The following PLCG2 variants were observed in gnomAD, a reference collection of about 807,000 sequenced individuals.
PLCG2 encodes phospholipase C gamma 2.
A neutral mutation model predicts 175.6 loss-of-function variants in PLCG2; 69 were observed. The ratio of observed to expected loss-of-function variants is 0.39; its 90% CI spans 0.32 to 0.48. The LOEUF is 0.48. Among genes scored for constraint, PLCG2 ranks in the 20% least tolerant of loss-of-function variants. PLCG2 has a pLI of 0.91. For synonymous variants in PLCG2, 827 were observed against 624.0 expected, an observed-to-expected ratio of 1.33 and a Z score of -4.85; for missense variants, 1,798 against 1,650.9, an observed-to-expected ratio of 1.09 and a Z score of -1.54.
chr16:81,924,325 A>G (rs1910173643), intron 22 of PLCG2, among the ~76,000 whole-genome samples: 1 of 152,268 alleles, frequency 6.6e-6, no homozygotes, highest in East Asian at 1.9e-4. Flanking sequence ...CTCCCACAAG[A>G]TAACTGGACC....
At chr16:81,779,151 G>C (rs1050971486), upstream of PLCG2, 1 of 152,414 alleles carries the variant, frequency 6.6e-6, no homozygotes, top group East Asian at 1.9e-4. Context: ...GGCGGGGAGG[G>C]CGCGGGGACG....
At chr16:81,816,461 G>A (rs992061348) in intron 2 of PLCG2, among the ~76,000 whole-genome samples, 6 of 141,138 alleles carry the variant, frequency 4.3e-5, no homozygotes, top group African/African-American at 1.6e-4. Flanking sequence ...AGTCTGAGAA[G>A]GAGACCTTTT....
intron 14 of PLCG2, among the ~76,000 whole-genome samples, chr16:81,902,149 C>T (rs186852601): frequency 4.2e-4 from 64 of 152,328 alleles, no homozygotes; most frequent in African/African-American, 1.5e-3. Context: ...AGCTTAGTCA[C>T]GTTACCTGCA....
chr16:81,824,444 A>G (rs28550771), intron 2 of PLCG2, among the ~76,000 whole-genome samples: 2 of 151,974 alleles, frequency 1.3e-5, no homozygotes, highest in Non-Finnish European at 2.9e-5. Flanking sequence ...CCAGCCACTT[A>G]TTTTCTTGTG....
In PLCG2 at chr16:81,785,948, T is replaced by G. The variant is rs763818041; in HGVS notation, c.-42T>G. ...CTTTAATTCTGCCCTTTCAGCTTCCTGATTTCTCCCGATTCCTTCCTTCTC... is the reference window on the plus strand; with the variant it reads ...CTTTAATTCTGCCCTTTCAGCTTCCGGATTTCTCCCGATTCCTTCCTTCTC... On this transcript the variant is annotated 5_prime_UTR_variant, in exon 2 of 33. Coordinates refer to ENST00000564138, the MANE Select transcript of PLCG2 (RefSeq NM_002661.5). The G allele has an allele frequency of 4.4e-6, 7 of 1,579,808 alleles. No individual in the cohort carries two copies. The highest frequency in any genetic ancestry group is 6.1e-6 in the Non-Finnish European group (7 of 1,154,870).
intron 14 of PLCG2, among the ~76,000 whole-genome samples, chr16:81,905,115 G>T (rs6564935): frequency 0.78 from 118,352 of 152,192 alleles, 47,272 homozygotes; most frequent in East Asian, 0.97. Flanking sequence ...TAGAACTCCT[G>T]AGCTCAAGTG....
At chr16:81,927,605 G>A (rs544526708) in intron 23 of PLCG2, among the ~76,000 whole-genome samples, 1 of 152,286 alleles carries the variant, frequency 6.6e-6, no homozygotes, top group African/African-American at 2.4e-5. Flanking sequence ...AAACCTGGTG[G>A]TTGTTCCCTC....
rs151102916 is a variant in PLCG2, at chr16:81,804,929, A to G, written c.193+18747A>G. Reference sequence around the variant, plus strand: ...GGGCACTACAAGCTCACATGTATCCATGTGATCATGTGTATGGGTATTTAT... The same window carrying G: ...GGGCACTACAAGCTCACATGTATCCGTGTGATCATGTGTATGGGTATTTAT... On this transcript the variant is annotated intron_variant, in intron 2 of 32. Coordinates refer to ENST00000564138, the MANE Select transcript of PLCG2 (RefSeq NM_002661.5). 2.3e-3 allele frequency among the ~76,000 whole-genome samples: 344 copies of G among 152,306 alleles called. 1 individual carries two copies. The highest frequency in any genetic ancestry group is 4.1e-3 in the Non-Finnish European group (280 of 68,024).
chr16:81,911,597 C>CTAATTAATTAATTAATTAATTAAT (rs58191847), intron 18 of PLCG2, among the ~76,000 whole-genome samples: 2 of 146,338 alleles, frequency 1.4e-5, no homozygotes, highest in South Asian at 2.2e-4. Flanking sequence ...CTGTGCCCAG[C>CTAATTAATTAATTAATTAATTAAT]TAATTAATTA....
chr16:81,792,074 G>T (rs1038661126), intron 2 of PLCG2, among the ~76,000 whole-genome samples: 1 of 152,214 alleles, frequency 6.6e-6, no homozygotes, highest in Non-Finnish European at 1.5e-5. Flanking sequence ...GGCAGGAACT[G>T]ATGGTGGCCA....
chr16:81,739,357 A>T (rs1909533003), exon 1 of PLCG2: 1 of 151,968 alleles, frequency 6.6e-6, no homozygotes, highest in Non-Finnish European at 1.5e-5. Context: ...TCACACAGCC[A>T]ACTTGCGCTT....
At chr16:81,907,908 T>C (rs1344579222) in intron 16 of PLCG2, 134 bp downstream of exon 16, 1 of 623,336 alleles carries the variant, frequency 1.6e-6, no homozygotes, top group African/African-American at 1.8e-5. Flanking sequence ...AAGCTGTTGA[T>C]ACTCTGGGTA....
intron 1 of PLCG2, among the ~76,000 whole-genome samples, chr16:81,754,644 A>G (rs1909885726): frequency 6.6e-6 from 1 of 150,994 alleles, no homozygotes; most frequent in South Asian, 2.1e-4. Context: ...TAGTGAATGA[A>G]TGACTGTGGG....
chr16:81,750,592 A>G (rs1217087608), intron 1 of PLCG2, among the ~76,000 whole-genome samples: 2 of 151,282 alleles, frequency 1.3e-5, no homozygotes, highest in Admixed American at 1.3e-4. Flanking sequence ...AGATTAATGC[A>G]TAAAGAAAAC....
intron 12 of PLCG2, 129 bp downstream of exon 12, chr16:81,893,923 A>T: frequency 1.9e-6 from 1 of 519,730 alleles, no homozygotes; most frequent in Non-Finnish European, 3.4e-6. Context: ...ATATTTATGG[A>T]GTTAGAGTGT....
intron 1 of PLCG2, among the ~76,000 whole-genome samples, chr16:81,744,957 T>C (rs960397036): frequency 1.3e-5 from 2 of 152,076 alleles, no homozygotes; most frequent in African/African-American, 4.8e-5. Context: ...GGAAGAAGGG[T>C]TGGTTTTTCT....
chr16:81,796,464 G>A (rs1204826855), intron 2 of PLCG2, among the ~76,000 whole-genome samples: 3 of 152,202 alleles, frequency 2.0e-5, no homozygotes, highest in Admixed American at 2.0e-4. Context: ...GATTGGAGGT[G>A]GTCTCCTGTA....
At chr16:81,845,570 A>G (rs1906071370) in intron 2 of PLCG2, among the ~76,000 whole-genome samples, 1 of 152,214 alleles carries the variant, frequency 6.6e-6, no homozygotes, top group Non-Finnish European at 1.5e-5. Flanking sequence ...ACTGCTCCTC[A>G]TGACTTGGAT....
At chr16:81,769,139 C>A (rs1038647996) in intron 2 of PLCG2, among the ~76,000 whole-genome samples, 14 of 152,270 alleles carry the variant, frequency 9.2e-5, no homozygotes, top group African/African-American at 2.9e-4. Flanking sequence ...TCTCAGATGC[C>A]ATGTGAGTTT....
Sources: gnomAD v4.1 joint callset for allele counts (sites outside exome capture counted in the v4.1 genomes callset) on GRCh38, gnomAD v4.1.1 for gene constraint, MANE v1.5 for transcripts, NCBI Gene and HGNC (gene_info 2026-07-23, HGNC 2026-07-21) for gene names.